The following STAC variants were observed in gnomAD, a reference collection of about 807,000 sequenced individuals.
STAC encodes SH3 and cysteine rich domain, also known as SH3 and cysteine-rich domain-containing protein.
STAC carries 43 observed loss-of-function variants against 48.8 expected under a neutral mutation model. That is an observed-to-expected ratio of 0.88 (90% CI 0.69 to 1.14). The LOEUF is 1.14. Among genes scored for constraint, STAC ranks in the 50% most tolerant of loss-of-function variants. The pLI is 0.00. For missense variants in STAC, 497 were observed against 504.0 expected (o/e 0.99, Z 0.13); for synonymous variants, 193 against 179.5 (o/e 1.07, Z -0.60).
chr3:36,463,800 T>C (rs1575217111), intron 2 of STAC, among the ~76,000 whole-genome samples: 1 of 151,856 alleles, frequency 6.6e-6, no homozygotes. Context: ...TTACTGAGAA[T>C]GATGGTTTCC....
At chr3:36,453,058 G>A (rs1334760787) in intron 2 of STAC, among the ~76,000 whole-genome samples, 2 of 152,258 alleles carry the variant, frequency 1.3e-5, no homozygotes, top group African/African-American at 4.8e-5. Context: ...ACCAGTTTGT[G>A]GAAGTTGGGA....
intron 2 of STAC, among the ~76,000 whole-genome samples, chr3:36,458,522 C>T (rs1275570738): frequency 6.6e-6 from 1 of 152,146 alleles, no homozygotes; most frequent in Non-Finnish European, 1.5e-5. Flanking sequence ...CGTGGTGTGA[C>T]AAGAAGACCA....
intron 6 of STAC, among the ~76,000 whole-genome samples, chr3:36,501,591 GAATA>G (rs1698285204): frequency 6.6e-6 from 1 of 152,114 alleles, no homozygotes; most frequent in East Asian, 1.9e-4. Flanking sequence ...CCTGACTCAA[GAATA>G]AATAGAAATA....
At chr3:36,511,540 C>A (rs1203843749) in intron 8 of STAC, among the ~76,000 whole-genome samples, 4 of 152,172 alleles carry the variant, frequency 2.6e-5, no homozygotes, top group Admixed American at 2.6e-4. Context: ...GAGGTTCATT[C>A]TTTCCTCTTC....
chr3:36,515,306 C>G (rs1391540046), intron 8 of STAC, among the ~76,000 whole-genome samples: 1 of 152,040 alleles, frequency 6.6e-6, no homozygotes, highest in Non-Finnish European at 1.5e-5. Context: ...GAAGGGTGGC[C>G]TCAGAGAGTA....
At chr3:36,525,637 T>C (rs993754733) in intron 8 of STAC, among the ~76,000 whole-genome samples, 1 of 152,062 alleles carries the variant, frequency 6.6e-6, no homozygotes, top group Non-Finnish European at 1.5e-5. Flanking sequence ...TGTTTGATAC[T>C]GACTCATGGT....
intron 1 of STAC, among the ~76,000 whole-genome samples, chr3:36,408,784 G>T (rs1460240955): frequency 6.6e-6 from 1 of 152,190 alleles, no homozygotes; most frequent in Non-Finnish European, 1.5e-5. Flanking sequence ...ATGTCATTCT[G>T]CTGCTGAACT....
intron 1 of STAC, among the ~76,000 whole-genome samples, chr3:36,422,873 C>T (rs1242500313): frequency 6.6e-6 from 1 of 152,070 alleles, no homozygotes; most frequent in Admixed American, 6.5e-5. Flanking sequence ...ACAAAATGTT[C>T]ATTCCAGTAT....
intron 10 of STAC, among the ~76,000 whole-genome samples, chr3:36,540,510 G>A (rs568168347): frequency 3.3e-5 from 5 of 152,174 alleles, no homozygotes; most frequent in African/African-American, 7.2e-5. Context: ...TGCAGCAGAA[G>A]AGGACAGATG....
At chr3:36,489,883 G>C (rs1697919828) in intron 5 of STAC, among the ~76,000 whole-genome samples, 1 of 152,198 alleles carries the variant, frequency 6.6e-6, no homozygotes, top group Admixed American at 6.5e-5. Context: ...GTGGTTCTCA[G>C]TGTGTGGTCT....
intron 6 of STAC, among the ~76,000 whole-genome samples, chr3:36,499,239 A>G (rs1698225580): frequency 6.6e-6 from 1 of 152,200 alleles, no homozygotes; most frequent in Admixed American, 6.5e-5. Context: ...AGTGGTAAAC[A>G]TGTGGTTAAA....
chr3:36,467,131 T>C (rs1697199989), intron 2 of STAC, among the ~76,000 whole-genome samples: 1 of 152,200 alleles, frequency 6.6e-6, no homozygotes, highest in African/African-American at 2.4e-5. Context: ...ATTCTGTTTA[T>C]GTGGTGTATC....
chr3:36,522,717 GGTCTCAGGTT>G (rs1364006721), intron 8 of STAC, among the ~76,000 whole-genome samples: 1 of 152,202 alleles, frequency 6.6e-6, no homozygotes, highest in Non-Finnish European at 1.5e-5. Flanking sequence ...GCCAATCTGA[GGTCTCAGGTT>G]GTCTCAGATA....
chr3:36,390,349 G>A (rs902871870), intron 1 of STAC, among the ~76,000 whole-genome samples: 1 of 151,792 alleles, frequency 6.6e-6, no homozygotes, highest in African/African-American at 2.4e-5. Context: ...TTAAAGATAG[G>A]TCGTGTTCCT....
At chr3:36,424,703 A>C (rs891445976) in intron 1 of STAC, among the ~76,000 whole-genome samples, 7 of 152,282 alleles carry the variant, frequency 4.6e-5, no homozygotes, top group Admixed American at 4.6e-4. Flanking sequence ...GGAAGTGTTC[A>C]AAACTGACTG....
chr3:36,505,719 T>G, intron 7 of STAC, 27 bp from the exon 8 acceptor site: 1 of 1,462,712 alleles, frequency 6.8e-7, no homozygotes, highest in Non-Finnish European at 9.4e-7. Flanking sequence ...CTTTCTTTTC[T>G]CATTTTTCTT....
At chr3:36,508,608 T>C (rs2125715688) in intron 8 of STAC, among the ~76,000 whole-genome samples, 1 of 152,294 alleles carries the variant, frequency 6.6e-6, no homozygotes, top group East Asian at 1.9e-4. Context: ...GTGCTTTACA[T>C]ATTGGGTGCA....
chr3:36,443,730 G>A lies in STAC; in HGVS notation c.388+90G>A. On this transcript the variant is annotated intron_variant, in intron 2 of 10. Transcript: ENST00000273183. This position sits in a 1 kb window ranked among gnomAD's most constrained non-coding sequence, Gnocchi z 4.2. ...CCACGGGTCCAGGTACCTACGGACA[G>A]ATGCTAGGCCTCAGAGATTTACATG... The A allele has an allele frequency of 2.0e-6, 3 of 1,487,830 alleles. No individual in the cohort carries two copies. The highest frequency in any genetic ancestry group is 2.7e-6 in the Non-Finnish European group (3 of 1,095,570). The allele number at this position is 1,487,830 out of a possible 1,614,324, so 92.2% of individuals were successfully genotyped here. A position where few individuals can be genotyped will look rare whatever the true frequency, so the allele number is the denominator to read the frequency against.
chr3:36,543,082 G>A lies in STAC; in HGVS notation c.1111-3109G>A, dbSNP rs950223997. Among the ~76,000 whole-genome samples, 2 of 152,236 alleles carry A rather than the reference G, an allele frequency of 1.3e-5. 1 individual carries two copies. The highest frequency in any genetic ancestry group is 4.2e-4 in the South Asian group (2 of 4,808). On this transcript the variant is annotated intron_variant, in intron 10 of 10. Coordinates refer to ENST00000273183, the MANE Select transcript of STAC (RefSeq NM_003149.3). ...TTTTGAAGGACTTAGGACTTTCAGTGCTAATATTGAGAATGTCCTGAGCAA... is the reference window on the plus strand; with the variant it reads ...TTTTGAAGGACTTAGGACTTTCAGTACTAATATTGAGAATGTCCTGAGCAA...
Sources: allele counts gnomAD v4.1 joint callset (sites outside exome capture counted in the v4.1 genomes callset), GRCh38; gene constraint gnomAD v4.1.1; non-coding constraint Gnocchi (gnomAD v3.1); transcripts MANE v1.5; gene names NCBI Gene and HGNC (gene_info 2026-07-23, HGNC 2026-07-21).